The following GON4L variants were observed in gnomAD, a reference collection of about 807,000 sequenced individuals.
GON4L encodes gon-4 like, also known as GON-4-like protein.
Under a neutral mutation model 211.8 loss-of-function variants are expected in GON4L, and 87 were observed. The observed-to-expected ratio is 0.41, with a 90% CI of 0.35 to 0.49. GON4L has a LOEUF of 0.49. Ranked by LOEUF, GON4L falls within the 20% of genes least tolerant of loss-of-function variation. The pLI, the probability that GON4L is intolerant of heterozygous loss-of-function variation, is 0.15. For synonymous variants in GON4L, 875 were observed against 962.6 expected (o/e 0.91, Z 1.68); for missense variants, 2,155 against 2,659.5 (o/e 0.81, Z 4.17).
intron 2 of GON4L, chr1:155,846,059 G>A (rs554053219): frequency 4.6e-6 from 1 of 217,976 alleles, no homozygotes; most frequent in African/African-American, 2.3e-5. Context: ...TCAGCTGCAG[G>A]TCTTCAAGCT....
rs752639221 is a variant in GON4L, at chr1:155,752,019, C to G, written c.6414G>C (p.Thr2138=). ...GEQQPKAAEA[T]VCANNSKVSS... ...TGACCTTGCTGTTGTTGGCACACAC[C>G]GTAGCTTCTGCGGCCTTTGGCTGCT... is the stretch of plus-strand genomic sequence containing the variant. Residue 2138 remains threonine, a synonymous_variant, in exon 30 of 32, where the codon ACG becomes ACC. Coordinates refer to ENST00000368331, the MANE Select transcript of GON4L (RefSeq NM_001282860.2). 4 of 1,613,626 alleles carry G rather than the reference C, an allele frequency of 2.5e-6. No homozygotes were observed. In the South Asian group the frequency reaches 4.4e-5, roughly 18 times the overall value.
chr1:155,826,752 G>A, intron 3 of GON4L, 85 bp downstream of exon 3: 3 of 882,800 alleles, frequency 3.4e-6, no homozygotes, highest in Non-Finnish European at 5.6e-6. Context: ...AGTGAATTCA[G>A]GATATCTTAG....
Position 155,784,167 on chromosome 1 carries a change from A to G in GON4L, c.1789-78T>C. On this transcript the variant is annotated intron_variant, in intron 13 of 31. Coordinates refer to ENST00000368331, the MANE Select transcript of GON4L (RefSeq NM_001282860.2). The stretch of plus-strand genomic sequence containing the variant: ...GCTCCAGTATTGGGAAGGAAGAGTG[A>G]AAACTATAGATTACAAGACTATAAT... 5 of 1,563,676 alleles carry G rather than the reference A, an allele frequency of 3.2e-6. No individual in the cohort carries two copies. The South Asian group carries it at 5.6e-5, about 17-fold the overall frequency.
intron 11 of GON4L, among the ~76,000 whole-genome samples, chr1:155,803,719 G>C (rs1293942140): frequency 6.6e-6 from 1 of 152,194 alleles, no homozygotes; most frequent in Non-Finnish European, 1.5e-5. Flanking sequence ...AGTACCAAGA[G>C]ACTGGGCATG....
intron 3 of GON4L, among the ~76,000 whole-genome samples, chr1:155,826,535 C>T (rs995143454): frequency 4.8e-5 from 7 of 145,310 alleles, no homozygotes; most frequent in African/African-American, 1.8e-4. Flanking sequence ...CCCTGTACTT[C>T]AGCCTGGGCG....
intron 2 of GON4L, among the ~76,000 whole-genome samples, chr1:155,837,273 C>A (rs1289831543): frequency 6.6e-6 from 1 of 152,140 alleles, no homozygotes. Flanking sequence ...GACCTAATGA[C>A]GACTCCCTGC....
intron 27 of GON4L, among the ~76,000 whole-genome samples, chr1:155,756,052 T>C (rs912045541): frequency 4.6e-5 from 7 of 151,180 alleles, no homozygotes; most frequent in Non-Finnish European, 5.9e-5. Flanking sequence ...ACCTGAGGAG[T>C]TCATATCCTA....
At chr1:155,848,306 C>T (rs1571936837) in intron 2 of GON4L, among the ~76,000 whole-genome samples, 1 of 144,932 alleles carries the variant, frequency 6.9e-6, no homozygotes. Flanking sequence ...CAAATACCTT[C>T]CCTATGAAGG....
intron 24 of GON4L, 31 bp downstream of exon 24, chr1:155,760,413 C>T: frequency 7.3e-7 from 1 of 1,377,076 alleles, no homozygotes; most frequent in South Asian, 1.2e-5. Flanking sequence ...ACCCAGGAGT[C>T]CCAGTGTACT....
intron 2 of GON4L, among the ~76,000 whole-genome samples, chr1:155,841,904 T>C (rs992618690): frequency 1.3e-5 from 2 of 152,182 alleles, no homozygotes; most frequent in Admixed American, 1.3e-4. Context: ...GGCGAACGCC[T>C]GTAATCTCAA....
chr1:155,800,710 G>A (rs1666564439), intron 11 of GON4L, among the ~76,000 whole-genome samples: 2 of 151,836 alleles, frequency 1.3e-5, no homozygotes, highest in Non-Finnish European at 1.5e-5. Flanking sequence ...AAATTAGCTG[G>A]GCATGGTAGC....
chr1:155,757,396 A>G, intron 25 of GON4L, 73 bp from the exon 26 acceptor site: 1 of 1,315,220 alleles, frequency 7.6e-7, no homozygotes, highest in Non-Finnish European at 1.1e-6. Context: ...TCAATCCCAC[A>G]TACTTCCATG....
At chr1:155,775,669 A>G (rs1663731812) in intron 16 of GON4L, among the ~76,000 whole-genome samples, 1 of 152,060 alleles carries the variant, frequency 6.6e-6, no homozygotes, top group South Asian at 2.1e-4. Context: ...ATGTTGGTCA[A>G]GCTGTTCTCG....
At position 155,762,259 on chromosome 1, in the gene GON4L, CTCA is replaced by C. The variant is rs746740548; in HGVS notation, c.4839_4841del (p.Asp1613del). 2.5e-6 allele frequency: 4 copies of C among 1,612,860 alleles called. No individual in the cohort carries two copies. Among genetic ancestry groups the C allele is most frequent in the Non-Finnish European group, 3.4e-6 (4 of 1,179,470 alleles). ...TGAGTGGATCTCGCTCGAGAATGTC[CTCA>C]TCATACAGCAACAGCAGCTTGGAGG... is the stretch of plus-strand genomic sequence containing the variant. On this transcript the variant is annotated inframe_deletion, in exon 23 of 32. Coordinates refer to ENST00000368331, the MANE Select transcript of GON4L (RefSeq NM_001282860.2).
At chr1:155,779,321 AT>A (rs1324802494) in intron 14 of GON4L, among the ~76,000 whole-genome samples, 1 of 150,668 alleles carries the variant, frequency 6.6e-6, no homozygotes, top group South Asian at 2.1e-4. Context: ...ACATAAACAG[AT>A]TTTTTTTTCT....
intron 2 of GON4L, among the ~76,000 whole-genome samples, chr1:155,828,786 C>T (rs963660454): frequency 5.4e-5 from 7 of 130,468 alleles, no homozygotes; most frequent in Non-Finnish European, 1.1e-4. Flanking sequence ...CCAGCCTGGG[C>T]GACAGAGAGA....
rs532697593 is a variant in GON4L, at chr1:155,799,147, T to C, written c.1646-3996A>G. Among the ~76,000 whole-genome samples the C allele has an allele frequency of 3.9e-5, 6 of 152,288 alleles. No individual in the cohort carries two copies. The South Asian group carries it at 8.3e-4, about 21-fold the overall frequency. On this transcript the variant is annotated intron_variant, in intron 11 of 31. Transcript: ENST00000368331. ...TCCGAATAGGCACATACAAAAATAC[T>C]GAAGTTGCTGGGCGTGGTGGCTCAC...
At chr1:155,828,578 G>GCA in intron 2 of GON4L, among the ~76,000 whole-genome samples, 5 of 151,198 alleles carry the variant, frequency 3.3e-5, no homozygotes, top group African/African-American at 1.2e-4. Context: ...AGGCTGAGAT[G>GCA]GGTGGATCAC....
At chr1:155,855,559 C>T (rs145343645) in intron 1 of GON4L, among the ~76,000 whole-genome samples, 2 of 152,286 alleles carry the variant, frequency 1.3e-5, no homozygotes, top group African/African-American at 4.8e-5. Context: ...CAATGTATCA[C>T]TGAGTATTGA....
Sources: gnomAD v4.1 joint callset for allele counts (sites outside exome capture counted in the v4.1 genomes callset) on GRCh38, gnomAD v4.1.1 for gene constraint, MANE v1.5 for transcripts, NCBI Gene and HGNC (gene_info 2026-07-23, HGNC 2026-07-21) for gene names.